The following ASPG variants were observed in gnomAD, a reference collection of about 807,000 sequenced individuals.
ASPG encodes the protein asparaginase.
ASPG carries 53 observed loss-of-function variants against 63.2 expected under a neutral mutation model. The observed-to-expected ratio is 0.84, with a 90% confidence interval of 0.67 to 1.05. The LOEUF (loss-of-function observed/expected upper bound fraction) is 1.05. ASPG is among the 50% of genes least tolerant of loss of function. The pLI, the probability that ASPG is intolerant of heterozygous loss-of-function variation, is 0.00. For missense variants in ASPG, 741 were observed against 794.4 expected, an observed-to-expected ratio of 0.93 and a Z score of 0.81; for synonymous variants, 370 against 355.0, an observed-to-expected ratio of 1.04 and a Z score of -0.48.
rs546112279 is a variant in ASPG at position 104,110,545 on chromosome 14, C to T, written c.1521-957C>T. 2.0e-6 allele frequency: 2 copies of T among 985,356 alleles called. No homozygotes were observed. The highest frequency in any genetic ancestry group is 9.4e-5 in the South Asian group (2 of 21,284). The allele number at this position is 985,356 out of a possible 1,614,324, so 61.0% of individuals were successfully genotyped here. On this transcript the variant is annotated intron_variant, in intron 13 of 15. Coordinates refer to ENST00000551177, the MANE Select transcript of ASPG (RefSeq NM_001080464.3). This position sits in a 1 kb window ranked among gnomAD's most constrained non-coding sequence, Gnocchi z 4.7. ...TGAGCTGCTGGCTGGACTTGAGCCC[C>T]TCGGCTAGGCCTTCCTAGGGGCCGG...
chr14:104,104,916 C>T (rs532405969), intron 9 of ASPG, 181 bp downstream of exon 9: 2 of 607,618 alleles, frequency 3.3e-6, no homozygotes, highest in South Asian at 2.1e-5. Context: ...GCCCAGGCTC[C>T]CCACAGCCCT....
chr14:104,096,028 G>A (rs927577401), intron 4 of ASPG, among the ~76,000 whole-genome samples: 1 of 152,154 alleles, frequency 6.6e-6, no homozygotes, highest in African/African-American at 2.4e-5. Context: ...GCACAGAGCC[G>A]CACCAGGAGG....
chr14:104,112,069 CG>C (rs985228386), intron 15 of ASPG, 69 bp downstream of exon 15: 6 of 1,419,094 alleles, frequency 4.2e-6, no homozygotes, highest in South Asian at 2.6e-5. Context: ...GATCCTGGCT[CG>C]GGGGGGCGTA....
chr14:104,086,740 C>CA (rs2036231409), intron 1 of ASPG, among the ~76,000 whole-genome samples: 1 of 152,088 alleles, frequency 6.6e-6, no homozygotes, highest in African/African-American at 2.4e-5. Flanking sequence ...TGCGACCCTC[C>CA]ATGGGCCACT....
Position 104,110,202 on chromosome 14 carries a change from G to A in ASPG, c.1520+887G>A, listed in dbSNP as rs193094394. 2.7e-4 allele frequency: 265 copies of A among 985,202 alleles called. 2 individuals carry two copies. The highest frequency in any genetic ancestry group is 7.5e-5 in the Non-Finnish European group (62 of 829,870). The allele number at this position is 985,202 out of a possible 1,614,324, so 61.0% of individuals were successfully genotyped here. A position where few individuals can be genotyped will look rare whatever the true frequency, so the allele number is the denominator to read the frequency against. ...GGGTGCTGTGAGTGGTGGGGTCTGTGCGCCTGTAAGTCCAGAGTCCCAGGC... is the reference window on the plus strand; with the variant it reads ...GGGTGCTGTGAGTGGTGGGGTCTGTACGCCTGTAAGTCCAGAGTCCCAGGC... On this transcript the variant is annotated intron_variant, in intron 13 of 15. Transcript: ENST00000551177. This position sits in a 1 kb window ranked among gnomAD's most constrained non-coding sequence, Gnocchi z 4.7.
intron 13 of ASPG, chr14:104,111,243 T>G (rs2037371617): frequency 1.1e-6 from 1 of 929,508 alleles, no homozygotes; most frequent in Admixed American, 6.2e-5. Context: ...CTGTGTATGC[T>G]GCTGTGTGTG....
intron 1 of ASPG, among the ~76,000 whole-genome samples, chr14:104,089,975 G>C (rs1300054662): frequency 3.9e-5 from 5 of 127,118 alleles, no homozygotes; most frequent in Non-Finnish European, 8.0e-5. Context: ...AAAAAAAAAA[G>C]GAAGAAAGGA....
At chr14:104,093,455 C>A in intron 2 of ASPG, 36 bp from the exon 3 acceptor site, 2 of 1,537,292 alleles carry the variant, frequency 1.3e-6, no homozygotes, top group Non-Finnish European at 1.8e-6. Context: ...AGAGCGGGAG[C>A]CTGCTGTTCC....
In ASPG at chr14:104,115,031, T is replaced by G. The variant is rs1047637742; in HGVS notation, c.*2487T>G. On this transcript the variant is annotated 3_prime_UTR_variant, in exon 16 of 16. Transcript: ENST00000551177. ...CCGCTCACACCTGGTAATTTCACGC[T>G]GGGGGAGGCCTTGGTTCCTATAGCC... 2.6e-5 allele frequency: 4 copies of G among 152,164 alleles called. No individual in the cohort carries two copies. Among genetic ancestry groups the G allele is most frequent in the African/African-American group, 9.7e-5 (4 of 41,436 alleles). 9.4% of individuals were successfully genotyped at this position (152,164 alleles called of 1,614,324 possible).
Position 104,095,530 on chromosome 14 carries a change from G to C in ASPG, c.304-1G>C. ...TGCCTGAGCATGCGCCCCTCCTGCA[G>C]AGGCACTACGAGCAGTACCACGGCT... On this transcript the variant is annotated splice_acceptor_variant, in intron 3 of 15. Transcript: ENST00000551177. LOFTEE classifies it high-confidence loss of function. 2 of 1,612,836 alleles carry C rather than the reference G, an allele frequency of 1.2e-6. No individual in the cohort carries two copies. Among genetic ancestry groups the C allele is most frequent in the Non-Finnish European group, 1.7e-6 (2 of 1,179,778 alleles).
At position 104,099,030 on chromosome 14, in the gene ASPG, C is replaced by T. The variant is rs1022053737; in HGVS notation, c.640+51C>T. 116 of 1,533,128 alleles carry T rather than the reference C, an allele frequency of 7.6e-5. 1 individual carries two copies. Among genetic ancestry groups the T allele is most frequent in the Admixed American group, 3.3e-4 (17 of 52,236 alleles). 95.0% of individuals were successfully genotyped at this position (1,533,128 alleles called of 1,614,324 possible). ...GTGCCTGCCCAGTGCTGGTGCTGGG[C>T]GAGGGGCTGCTGCAGGGAGCTCGTG... On this transcript the variant is annotated intron_variant, in intron 6 of 15. Coordinates refer to ENST00000551177, the MANE Select transcript of ASPG (RefSeq NM_001080464.3).
At chr14:104,092,219 T>C (rs905348523) in intron 1 of ASPG, among the ~76,000 whole-genome samples, 1 of 151,854 alleles carries the variant, frequency 6.6e-6, no homozygotes, top group Non-Finnish European at 1.5e-5. Flanking sequence ...GGGTGAGAAG[T>C]GGGGACGAGG....
At chr14:104,098,125 C>A (rs61997618) in intron 5 of ASPG, among the ~76,000 whole-genome samples, 2,063 of 22,170 alleles carry the variant, frequency 0.093, 533 homozygotes, top group East Asian at 0.2. Context: ...TATGGAGGTT[C>A]TCCGTTAGAG....
intron 1 of ASPG, among the ~76,000 whole-genome samples, chr14:104,087,667 G>A (rs1596058744): frequency 2.0e-5 from 3 of 152,202 alleles, no homozygotes; most frequent in African/African-American, 4.8e-5. Flanking sequence ...CGCCCCTGAC[G>A]CTACCCCTTC....
intron 1 of ASPG, 64 bp downstream of exon 1, chr14:104,085,916 C>T (rs962981840): frequency 4.2e-6 from 6 of 1,443,666 alleles, no homozygotes; most frequent in African/African-American, 1.5e-5. Context: ...GCCTCGGACC[C>T]TCCTGCACCC....
chr14:104,108,082 C>A (rs2141049871), intron 12 of ASPG, among the ~76,000 whole-genome samples: 1 of 152,244 alleles, frequency 6.6e-6, no homozygotes, highest in East Asian at 1.9e-4. Context: ...GGTCATGTGA[C>A]CCTGACGTGT....
Position 104,102,127 on chromosome 14 carries a change from C to T in ASPG, c.641-1436C>T, listed in dbSNP as rs146037279. ...ACTCTTTGCCAGTGGCAGCGGTGCC[C>T]CCTCCTTTCCTGTGCTGATGCCTTA... On this transcript the variant is annotated intron_variant, in intron 6 of 15. Transcript: ENST00000551177. Among the ~76,000 whole-genome samples, 81 of 152,118 alleles carry T rather than the reference C, an allele frequency of 5.3e-4. 1 individual carries two copies. Among genetic ancestry groups the T allele is most frequent in the Middle Eastern group, 3.4e-3 (1 of 294 alleles).
At chr14:104,093,413 C>G in intron 2 of ASPG, 78 bp from the exon 3 acceptor site, 3 of 1,293,784 alleles carry the variant, frequency 2.3e-6, no homozygotes, top group Non-Finnish European at 3.3e-6. Context: ...GGGAACAGAG[C>G]GGGTCAGGGC....
chr14:104,085,910 C>T lies in ASPG; in HGVS notation c.82+58C>T, dbSNP rs369343488. ...TGGACCTGGCCGCGACCGGGAGCCT[C>T]GGACCCTCCTGCACCCACGGGGGTC... is the stretch of plus-strand genomic sequence containing the variant. On this transcript the variant is annotated intron_variant, in intron 1 of 15. Transcript: ENST00000551177. 3,863 of 1,495,112 alleles carry T rather than the reference C, an allele frequency of 2.6e-3. 9 individuals carry two copies. Among genetic ancestry groups the T allele is most frequent in the Middle Eastern group, 5.2e-3 (30 of 5,784 alleles). The allele number at this position is 1,495,112 out of a possible 1,614,324, so 92.6% of individuals were successfully genotyped here. A position where few individuals can be genotyped will look rare whatever the true frequency, so the allele number is the denominator to read the frequency against.
Sources: gnomAD v4.1 joint callset for allele counts (sites outside exome capture counted in the v4.1 genomes callset) on GRCh38, gnomAD v4.1.1 for gene constraint, Gnocchi (gnomAD v3.1) non-coding constraint, MANE v1.5 for transcripts, NCBI Gene and HGNC (gene_info 2026-07-23, HGNC 2026-07-21) for gene names.